The following HYAL4 variants were observed in gnomAD, a reference collection of about 807,000 sequenced individuals.
HYAL4 encodes hyaluronidase 4.
Under a neutral mutation model 35.2 loss-of-function variants are expected in HYAL4, and 37 were observed. The observed-to-expected ratio is 1.05, with a 90% CI of 0.81 to 1.38. The LOEUF (loss-of-function observed/expected upper bound fraction) is 1.38. Ranked by LOEUF, HYAL4 falls within the 40% of genes most tolerant of loss-of-function variation. HYAL4 has a pLI of 0.00. For synonymous variants in HYAL4, 198 were observed against 203.2 expected, an observed-to-expected ratio of 0.97 and a Z score of 0.22; for missense variants, 572 against 572.4, an observed-to-expected ratio of 1.00 and a Z score of 0.01.
At chr7:123,816,321 A>G in the HYAL4 span, among the ~76,000 whole-genome samples, 5 of 152,166 alleles carry the variant, frequency 3.3e-5, no homozygotes, top group African/African-American at 9.6e-5. Flanking sequence ...AGGCCTGCCT[A>G]CCAAAGTCTT....
chr7:123,814,440 C>G, the HYAL4 span: 1 of 152,506 alleles, frequency 6.6e-6, no homozygotes, highest in Admixed American at 6.6e-5. Flanking sequence ...GGAGGAATAC[C>G]GCAGAATGTG....
chr7:123,809,569 T>C, the HYAL4 span, among the ~76,000 whole-genome samples: 3 of 151,912 alleles, frequency 2.0e-5, no homozygotes, highest in Admixed American at 6.6e-5. Context: ...CTAATTTTTG[T>C]ATTCTTTTTT....
the HYAL4 span, among the ~76,000 whole-genome samples, chr7:123,815,863 G>A: frequency 3.8e-4 from 58 of 152,218 alleles, no homozygotes; most frequent in Non-Finnish European, 7.8e-4. Flanking sequence ...GACCACTTAG[G>A]TTTGAGATAA....
rs2116972471 is a variant in HYAL4, at chr7:123,876,864, C to G, written c.1155C>G (p.Gly385=). ...GCCTTCACCTCTGCAGGAACAATGG[C>G]AGGTGCATAAGGAAGATGTGGAACG... ...VCSLHLCRNN[G]RCIRKMWNAP... is the part of the protein sequence containing the mutation. Residue 385 remains glycine, a synonymous_variant, in exon 5 of 5, where the codon GGC becomes GGG. Transcript: ENST00000223026. The G allele has an allele frequency of 6.2e-7, 1 of 1,614,170 alleles. No homozygotes were observed. The highest frequency in any genetic ancestry group is 8.5e-7 in the Non-Finnish European group (1 of 1,180,032).
chr7:123,799,115 G>C, the HYAL4 span, among the ~76,000 whole-genome samples: 1 of 152,164 alleles, frequency 6.6e-6, no homozygotes, highest in Admixed American at 6.5e-5. Flanking sequence ...ACATTTATCA[G>C]AGTTCACTGT....
At chr7:123,820,944 C>A in the HYAL4 span, among the ~76,000 whole-genome samples, 3 of 152,098 alleles carry the variant, frequency 2.0e-5, no homozygotes, top group South Asian at 6.2e-4. Context: ...GAATAATGTC[C>A]CCCAGGTTCA....
chr7:123,786,160 C>T, the HYAL4 span, among the ~76,000 whole-genome samples: 1 of 152,170 alleles, frequency 6.6e-6, no homozygotes, highest in East Asian at 1.9e-4. Context: ...TAAGTGGTCA[C>T]ATTTTTTGAA....
the HYAL4 span, among the ~76,000 whole-genome samples, chr7:123,786,713 GCTATCTATCTAT>G: frequency 3.9e-4 from 58 of 148,462 alleles, no homozygotes; most frequent in South Asian, 1.3e-3. Flanking sequence ...TGTATCACAT[GCTATCTATCTAT>G]CTATCTATCT....
At chr7:123,858,823 G>A (rs1332646520) in intron 2 of HYAL4, among the ~76,000 whole-genome samples, 2 of 152,138 alleles carry the variant, frequency 1.3e-5, no homozygotes, top group African/African-American at 2.4e-5. Flanking sequence ...TTCTTCTAGT[G>A]TGCTGTTTAT....
At chr7:123,785,489 A>C in the HYAL4 span, among the ~76,000 whole-genome samples, 269 of 152,330 alleles carry the variant, frequency 1.8e-3, no homozygotes, top group African/African-American at 6.4e-3. This position sits in a 1 kb window ranked among gnomAD's most constrained non-coding sequence, Gnocchi z 4.5. Flanking sequence ...GTTGAGATTC[A>C]GAAGGGCTGC....
At chr7:123,851,415 C>T (rs552314887) in intron 2 of HYAL4, among the ~76,000 whole-genome samples, 54 of 151,968 alleles carry the variant, frequency 3.6e-4, no homozygotes, top group African/African-American at 1.3e-3. Flanking sequence ...CCTGACAGCC[C>T]GTGTGTGTGA....
intron 2 of HYAL4, among the ~76,000 whole-genome samples, chr7:123,864,168 C>T (rs1806637843): frequency 6.6e-6 from 1 of 152,200 alleles, no homozygotes; most frequent in Non-Finnish European, 1.5e-5. Context: ...AAACCTTCCT[C>T]ACTTCCTTCT....
At chr7:123,766,401 A>G in the HYAL4 span, among the ~76,000 whole-genome samples, 50 of 152,228 alleles carry the variant, frequency 3.3e-4, 1 homozygote, top group South Asian at 1.0e-3. Flanking sequence ...CCAGTAAGAG[A>G]TGTGGGGTTT....
intron 2 of HYAL4, among the ~76,000 whole-genome samples, chr7:123,858,259 C>T (rs980629934): frequency 4.9e-4 from 74 of 152,194 alleles, no homozygotes; most frequent in African/African-American, 1.7e-3. Context: ...AAATTATATA[C>T]AGACATAATC....
chr7:123,826,115 A>G (rs566293773), upstream of HYAL4, among the ~76,000 whole-genome samples: 2 of 152,254 alleles, frequency 1.3e-5, no homozygotes, highest in East Asian at 3.9e-4. Flanking sequence ...AGCTAATTTT[A>G]TATATTTAGC....
chr7:123,784,408 A>T, the HYAL4 span, among the ~76,000 whole-genome samples: 1 of 152,196 alleles, frequency 6.6e-6, no homozygotes, highest in Admixed American at 6.5e-5. Context: ...TAAGCCTCAC[A>T]CTGACCTCAC....
chr7:123,780,125 C>G, the HYAL4 span, among the ~76,000 whole-genome samples: 1 of 152,128 alleles, frequency 6.6e-6, no homozygotes, highest in African/African-American at 2.4e-5. Flanking sequence ...AATAGAAATA[C>G]TAACAAATCC....
chr7:123,796,778 C>T, the HYAL4 span, among the ~76,000 whole-genome samples: 3 of 152,142 alleles, frequency 2.0e-5, no homozygotes, highest in African/African-American at 7.2e-5. Flanking sequence ...AGTGCCAATA[C>T]ATATTACATA....
At chr7:123,797,724 C>T in the HYAL4 span, among the ~76,000 whole-genome samples, 5 of 152,146 alleles carry the variant, frequency 3.3e-5, no homozygotes, top group African/African-American at 1.2e-4. Context: ...AGATAATAGT[C>T]TCAGGTTATA....
Sources: gnomAD v4.1 joint callset for allele counts (sites outside exome capture counted in the v4.1 genomes callset) on GRCh38, gnomAD v4.1.1 for gene constraint, Gnocchi (gnomAD v3.1) non-coding constraint, MANE v1.5 for transcripts, NCBI Gene and HGNC (gene_info 2026-07-23, HGNC 2026-07-21) for gene names.